TRAF2: variants seen among roughly 807,000 people sequenced by gnomAD.
TRAF2 encodes TNF receptor-associated factor 2.
Under a neutral mutation model 55.6 loss-of-function variants are expected in TRAF2, and 6 were observed. The observed-to-expected ratio is 0.11, with a 90% CI of 0.06 to 0.21. The LOEUF is 0.21. Ranked by LOEUF, TRAF2 falls within the 10% of genes least tolerant of loss-of-function variation. The probability of loss-of-function intolerance (pLI) is 1.00; values close to 1 mark genes in which losing one functional copy is unlikely to be tolerated. For missense variants in TRAF2, 561 were observed against 684.5 expected (o/e 0.82, Z 2.01); for synonymous variants, 329 against 276.3 (o/e 1.19, Z -1.89).
At chr9:136,900,193 C>A (rs973121083) in intron 3 of TRAF2, among the ~76,000 whole-genome samples, 9 of 149,714 alleles carry the variant, frequency 6.0e-5, no homozygotes, top group African/African-American at 2.2e-4. Flanking sequence ...GAATAAAGGG[C>A]CGCCAGAAGT....
chr9:136,897,528 A>G (rs1474044914), intron 1 of TRAF2, among the ~76,000 whole-genome samples: 82 of 139,714 alleles, frequency 5.9e-4, no homozygotes, highest in East Asian at 2.2e-3. Flanking sequence ...GGCTGGAGGG[A>G]AACCCGTGGT....
chr9:136,923,348 C>T (rs1211794721), intron 9 of TRAF2, among the ~76,000 whole-genome samples: 4 of 152,210 alleles, frequency 2.6e-5, no homozygotes, highest in Non-Finnish European at 5.9e-5. Context: ...CAGTGGCTCA[C>T]ACCTGTAATC....
At chr9:136,887,587 A>C (rs1849482867) in intron 1 of TRAF2, among the ~76,000 whole-genome samples, 2 of 152,102 alleles carry the variant, frequency 1.3e-5, no homozygotes, top group South Asian at 2.1e-4. Context: ...GTCAAGGGAA[A>C]CTAGGACTGA....
chr9:136,892,609 G>C (rs1588418874), intron 1 of TRAF2, among the ~76,000 whole-genome samples: 1 of 152,240 alleles, frequency 6.6e-6, no homozygotes, highest in African/African-American at 2.4e-5. Flanking sequence ...GCCAGGCACA[G>C]TGGCTCATGC....
chr9:136,916,747 C>T, intron 7 of TRAF2, 132 bp downstream of exon 7: 1 of 862,728 alleles, frequency 1.2e-6, no homozygotes, highest in Non-Finnish European at 1.9e-6. Flanking sequence ...TCCTCCTGCC[C>T]CGGCTGTCCG....
chr9:136,922,128 G>A (rs953368888), intron 9 of TRAF2, among the ~76,000 whole-genome samples: 1 of 152,122 alleles, frequency 6.6e-6, no homozygotes, highest in Non-Finnish European at 1.5e-5. Context: ...GTGCTCTGGC[G>A]CCCTCGAGGC....
chr9:136,898,111 T>G (rs938268080), intron 1 of TRAF2, among the ~76,000 whole-genome samples: 6 of 151,928 alleles, frequency 3.9e-5, no homozygotes, highest in Non-Finnish European at 8.8e-5. Flanking sequence ...CTCTCGGGGC[T>G]GGAGGGGAAC....
rs143784670 is a variant in TRAF2, at chr9:136,921,005, T to G, written c.961-33T>G. ...CAGGGGCTCGTGCCCGCACCCCTCC[T>G]GTAAGAGGGAAGGTGGTCTTGGCAC... is the stretch of plus-strand genomic sequence containing the variant. On this transcript the variant is annotated intron_variant, in intron 8 of 10. Transcript: ENST00000247668. 2.3e-4 allele frequency: 370 copies of G among 1,611,050 alleles called. 1 individual carries two copies. In the African/African-American group the frequency reaches 4.5e-3, roughly 19 times the overall value.
At chr9:136,900,350 G>A (rs1008776045) in intron 3 of TRAF2, 72 bp from the exon 4 acceptor site, 2 of 1,094,090 alleles carry the variant, frequency 1.8e-6, no homozygotes, top group East Asian at 5.0e-5. Context: ...GTTTGGACGT[G>A]TGGTCTGTGT....
upstream of TRAF2, among the ~76,000 whole-genome samples, chr9:136,885,047 A>C (rs577491344): frequency 6.6e-6 from 1 of 152,308 alleles, no homozygotes; most frequent in East Asian, 1.9e-4. Context: ...AGGGGTGATG[A>C]CGTTGATGGA....
chr9:136,917,214 G>C (rs765490213), intron 7 of TRAF2, among the ~76,000 whole-genome samples: 1 of 152,220 alleles, frequency 6.6e-6, no homozygotes, highest in African/African-American at 2.4e-5. Flanking sequence ...GTTCACAGAT[G>C]GAAATCGATC....
At chr9:136,909,782 C>T in intron 5 of TRAF2, 138 bp from the exon 6 acceptor site, 3 of 789,294 alleles carry the variant, frequency 3.8e-6, no homozygotes, top group South Asian at 1.5e-5. Flanking sequence ...CCGGGAGGAG[C>T]ACTGTCCTTC....
chr9:136,921,087 A>T lies in TRAF2; in HGVS notation c.1010A>T (p.Asp337Val). ...GGCCTCAAGGACCTGGCGATGGCTG[A>T]CTTGGAGCAGAAGGTCTTGGAGATG... Reference protein sequence around the residue: ...SIGLKDLAMADLEQKVLEMEA... With the variant: ...SIGLKDLAMAVLEQKVLEMEA... Residue 337 changes from aspartate to valine, a missense_variant, in exon 9 of 11, where the codon GAC becomes GTC. Asp to Val is a radical substitution (Grantham distance 152). Coordinates refer to ENST00000247668, the MANE Select transcript of TRAF2 (RefSeq NM_021138.4). 1 of 1,614,056 alleles carries T rather than the reference A, an allele frequency of 6.2e-7. No homozygotes were observed. The highest frequency in any genetic ancestry group is 1.1e-5 in the South Asian group (1 of 91,090).
At chr9:136,884,586 TCACTCTATAGCG>T (rs1849412716), upstream of TRAF2, among the ~76,000 whole-genome samples, 1 of 150,764 alleles carries the variant, frequency 6.6e-6, no homozygotes, top group South Asian at 2.1e-4. Context: ...AGACAGGGTC[TCACTCTATAGCG>T]CAGCCTGGAG....
chr9:136,892,772 C>G (rs541841068), intron 1 of TRAF2, among the ~76,000 whole-genome samples: 4 of 150,686 alleles, frequency 2.7e-5, no homozygotes, highest in Admixed American at 1.3e-4. Context: ...CCCAGCTACT[C>G]GGGAGGCTGA....
At chr9:136,903,987 A>G (rs1485775757) in intron 4 of TRAF2, among the ~76,000 whole-genome samples, 1 of 151,966 alleles carries the variant, frequency 6.6e-6, no homozygotes, top group Non-Finnish European at 1.5e-5. Flanking sequence ...CAGCCAAGAA[A>G]GATTTTATTT....
At chr9:136,908,421 C>T (rs932837591) in intron 5 of TRAF2, among the ~76,000 whole-genome samples, 190 bp downstream of exon 5, 1 of 152,254 alleles carries the variant, frequency 6.6e-6, no homozygotes, top group African/African-American at 2.4e-5. Context: ...ATGCCGAGGC[C>T]TTTCAAAAGC....
chr9:136,889,720 A>G (rs939010213), intron 1 of TRAF2: 10 of 152,242 alleles, frequency 6.6e-5, no homozygotes, highest in African/African-American at 1.7e-4. Flanking sequence ...CAGCCTCCCA[A>G]GTAGCTGGGA....
At chr9:136,893,576 G>C (rs143159346) in intron 1 of TRAF2, among the ~76,000 whole-genome samples, 6 of 152,220 alleles carry the variant, frequency 3.9e-5, no homozygotes, top group Admixed American at 6.5e-5. Flanking sequence ...TGGGTCTGCA[G>C]GGTTGGCGCA....
Sources: gnomAD v4.1 joint callset for allele counts (sites outside exome capture counted in the v4.1 genomes callset) on GRCh38, gnomAD v4.1.1 for gene constraint, MANE v1.5 for transcripts, NCBI Gene and HGNC (gene_info 2026-07-23, HGNC 2026-07-21) for gene names.